UGGT2: variants seen among roughly 807,000 people sequenced by gnomAD.
UGGT2 encodes the protein UDP-glucose glycoprotein glucosyltransferase 2, also known as UDP-glucose:glycoprotein glucosyltransferase 2.
Under a neutral mutation model 192.1 loss-of-function variants are expected in UGGT2, and 180 were observed. That is an observed-to-expected ratio of 0.94 (90% CI 0.83 to 1.06). UGGT2 has a LOEUF of 1.06. Among genes scored for constraint, UGGT2 ranks in the 50% least tolerant of loss-of-function variants. UGGT2 has a pLI of 0.00. For synonymous variants in UGGT2, 580 were observed against 591.0 expected (o/e 0.98, Z 0.27); for missense variants, 1,849 against 1,795.7 (o/e 1.03, Z -0.54).
chr13:95,979,029 G>A (rs541305904), intron 10 of UGGT2, among the ~76,000 whole-genome samples: 92 of 152,240 alleles, frequency 6.0e-4, no homozygotes, highest in Non-Finnish European at 1.1e-3. Flanking sequence ...AAGCAATTAT[G>A]TAATTGAAAT....
chr13:95,945,815 C>A (rs1252401308), intron 15 of UGGT2, among the ~76,000 whole-genome samples: 1 of 152,058 alleles, frequency 6.6e-6, no homozygotes, highest in Non-Finnish European at 1.5e-5. Context: ...TTTTATAGAG[C>A]AAACTGTACC....
chr13:96,032,208 G>A (rs1250845572), intron 1 of UGGT2, among the ~76,000 whole-genome samples: 1 of 151,984 alleles, frequency 6.6e-6, no homozygotes. Flanking sequence ...GGCTTCATGA[G>A]AAATTACCTT....
intron 30 of UGGT2, among the ~76,000 whole-genome samples, chr13:95,865,299 C>G (rs1422233645): frequency 6.6e-6 from 1 of 152,008 alleles, no homozygotes; most frequent in Non-Finnish European, 1.5e-5. Flanking sequence ...TATCTTTTTA[C>G]TGTAATTCTG....
chr13:96,006,211 T>C (rs1417832393), intron 5 of UGGT2, among the ~76,000 whole-genome samples: 3 of 152,132 alleles, frequency 2.0e-5, no homozygotes, highest in Non-Finnish European at 4.4e-5. Context: ...AAAGGAAAAT[T>C]CATCACACAT....
intron 33 of UGGT2, among the ~76,000 whole-genome samples, chr13:95,857,078 G>C (rs1889688092): frequency 6.6e-6 from 1 of 151,982 alleles, no homozygotes; most frequent in Non-Finnish European, 1.5e-5. Flanking sequence ...CTTGAAACTA[G>C]TTTCTGGTTA....
In UGGT2 at chr13:95,956,317, G is replaced by A. The variant is rs968869601; in HGVS notation, c.1336-6863C>T. ...AAGCAAAGGTAACCAAAAAAAGGTG[G>A]AATTCATAAAAATTAAAATTTTGTT... On this transcript the variant is annotated intron_variant, in intron 12 of 38. Coordinates refer to ENST00000376747, the MANE Select transcript of UGGT2 (RefSeq NM_020121.4). Among the ~76,000 whole-genome samples, 9 of 152,032 alleles carry A rather than the reference G, an allele frequency of 5.9e-5. No homozygotes were observed. In the East Asian group the frequency reaches 9.6e-4, roughly 16 times the overall value.
chr13:95,836,950 G>A, intron 37 of UGGT2, 136 bp downstream of exon 37: 1 of 743,990 alleles, frequency 1.3e-6, no homozygotes, highest in Non-Finnish European at 2.2e-6. Context: ...GCCAACCTAA[G>A]TAAATGTGTA....
intron 20 of UGGT2, among the ~76,000 whole-genome samples, chr13:95,909,712 C>T (rs927709861): frequency 1.2e-4 from 16 of 134,896 alleles, no homozygotes; most frequent in African/African-American, 3.1e-4. Context: ...TGTAACTAAC[C>T]GGCACAATGT....
intron 37 of UGGT2, among the ~76,000 whole-genome samples, chr13:95,835,093 T>C (rs1199845290): frequency 6.6e-6 from 1 of 152,208 alleles, no homozygotes; most frequent in Non-Finnish European, 1.5e-5. Flanking sequence ...GTTATTTTCA[T>C]TGTATTGAGT....
chr13:95,895,527 GT>G (rs1325912128), intron 22 of UGGT2, among the ~76,000 whole-genome samples: 1 of 151,870 alleles, frequency 6.6e-6, no homozygotes, highest in Non-Finnish European at 1.5e-5. Flanking sequence ...CAAAATCAAA[GT>G]GACAATATAA....
chr13:95,883,290 A>C (rs1161906289), intron 27 of UGGT2, among the ~76,000 whole-genome samples: 1 of 152,250 alleles, frequency 6.6e-6, no homozygotes, highest in East Asian at 1.9e-4. Context: ...GTAAATGTTT[A>C]TGCTTCAGTC....
intron 30 of UGGT2, 28 bp from the exon 31 acceptor site, chr13:95,863,742 A>G (rs1419510586): frequency 1.3e-6 from 2 of 1,565,578 alleles, no homozygotes; most frequent in South Asian, 2.2e-5. Context: ...AAAGATTAGA[A>G]TTTGGCTGCT....
At chr13:95,958,730 T>C (rs2050292096) in intron 12 of UGGT2, among the ~76,000 whole-genome samples, 1 of 152,010 alleles carries the variant, frequency 6.6e-6, no homozygotes, top group African/African-American at 2.4e-5. Flanking sequence ...GGGAGCACAC[T>C]GGAATTCACC....
At chr13:96,040,900 A>T in intron 1 of UGGT2, among the ~76,000 whole-genome samples, 1 of 152,160 alleles carries the variant, frequency 6.6e-6, no homozygotes. Flanking sequence ...ACTGATTTGG[A>T]GCTAAGTGTG....
intron 5 of UGGT2, among the ~76,000 whole-genome samples, chr13:96,010,718 A>G (rs2052134523): frequency 6.6e-6 from 1 of 152,232 alleles, no homozygotes; most frequent in African/African-American, 2.4e-5. Context: ...TATATGTTCA[A>G]TGTAATCTCA....
intron 1 of UGGT2, among the ~76,000 whole-genome samples, chr13:96,052,464 A>C (rs964171160): frequency 1.3e-5 from 2 of 151,600 alleles, no homozygotes; most frequent in South Asian, 2.1e-4. Flanking sequence ...CCAATAAACT[A>C]TAGAAATGAA....
intron 34 of UGGT2, 152 bp from the exon 35 acceptor site, chr13:95,854,627 T>A: frequency 1.6e-6 from 1 of 637,098 alleles, no homozygotes; most frequent in Non-Finnish European, 2.4e-6. Context: ...TTACTGAATT[T>A]AACATTTATT....
At chr13:95,999,718 G>A (rs770842561) in intron 5 of UGGT2, among the ~76,000 whole-genome samples, 1 of 152,144 alleles carries the variant, frequency 6.6e-6, no homozygotes, top group South Asian at 2.1e-4. Context: ...TGGTTGTCTA[G>A]ATGTAGGACT....
intron 1 of UGGT2, among the ~76,000 whole-genome samples, chr13:96,041,794 C>T (rs1011983777): frequency 2.6e-5 from 4 of 152,012 alleles, no homozygotes; most frequent in Admixed American, 2.6e-4. Flanking sequence ...GCAGAGGCAG[C>T]CATAATCCTC....
Sources: gnomAD v4.1 joint callset for allele counts (sites outside exome capture counted in the v4.1 genomes callset) on GRCh38, gnomAD v4.1.1 for gene constraint, MANE v1.5 for transcripts, NCBI Gene and HGNC (gene_info 2026-07-23, HGNC 2026-07-21) for gene names.